PHLDB1: variants seen among roughly 807,000 people sequenced by gnomAD.
PHLDB1 encodes the protein pleckstrin homology-like domain family B member 1.
PHLDB1 carries 65 observed loss-of-function variants against 139.3 expected under a neutral mutation model. That is an observed-to-expected ratio of 0.47 (90% CI 0.38 to 0.57). The LOEUF (loss-of-function observed/expected upper bound fraction) is 0.57, where lower values mean the gene tolerates loss of function less well. Among genes scored for constraint, PHLDB1 ranks in the 20% least tolerant of loss-of-function variants. PHLDB1 has a pLI of 0.00. For missense variants in PHLDB1, 1,624 were observed against 1,839.7 expected, an observed-to-expected ratio of 0.88 and a Z score of 2.14; for synonymous variants, 679 against 734.5, an observed-to-expected ratio of 0.92 and a Z score of 1.22.
At chr11:118,618,962 C>G (rs529904831) in intron 4 of PHLDB1, among the ~76,000 whole-genome samples, 30 of 152,126 alleles carry the variant, frequency 2.0e-4, no homozygotes, top group Middle Eastern at 3.4e-3. Flanking sequence ...TAGCACAGAG[C>G]TATGAACATA....
chr11:118,617,078 A>T (rs1195846188), intron 4 of PHLDB1, among the ~76,000 whole-genome samples: 1 of 152,158 alleles, frequency 6.6e-6, no homozygotes, highest in African/African-American at 2.4e-5. Context: ...AAAATAAATA[A>T]AAACTAGGCC....
chr11:118,643,879 G>A lies in PHLDB1; in HGVS notation c.2957G>A (p.Gly986Asp). The A allele has an allele frequency of 1.9e-6, 3 of 1,612,318 alleles. No homozygotes were observed. Among genetic ancestry groups the A allele is most frequent in the Non-Finnish European group, 2.5e-6 (3 of 1,179,142 alleles). ...TRSGPLPSSS[G>D]SSSSSSQLSV... ...AGCGGCCCCCTCCCCTCCTCCTCTG[G>A]CTCTTCCTCCTCCTCCTCCCAGCTC... The change falls in exon 14 of 23, where the codon GGC becomes GAC. Residue 986 changes from glycine (G) to aspartate (D), a missense_variant. Physicochemically the swap from Gly to Asp is moderately conservative, Grantham distance 94. Transcript: ENST00000600882.
chr11:118,643,968 A>C (rs1555124177), intron 14 of PHLDB1, 28 bp downstream of exon 14: 3 of 1,591,298 alleles, frequency 1.9e-6, no homozygotes, highest in South Asian at 1.2e-5. Flanking sequence ...GGGGCTGCAC[A>C]TGTGGCTGGG....
intron 5 of PHLDB1, among the ~76,000 whole-genome samples, chr11:118,626,395 T>G (rs937659132): frequency 6.6e-6 from 1 of 152,030 alleles, no homozygotes; most frequent in Non-Finnish European, 1.5e-5. Context: ...TTCTTTTTTT[T>G]TGTTTTGAGA....
In PHLDB1 at chr11:118,632,436, G is replaced by A; in HGVS notation, c.2379+140G>A. On this transcript the variant is annotated intron_variant, in intron 9 of 22. Coordinates refer to ENST00000600882, the MANE Select transcript of PHLDB1 (RefSeq NM_001144758.3). This position sits in a 1 kb window ranked among gnomAD's most constrained non-coding sequence, Gnocchi z 5.9. The stretch of plus-strand genomic sequence containing the variant: ...TGGTCTCTGTGGCTTTCCAGAGACA[G>A]AGTGACTTCTCCTCCTCTGTGGAAG... 2.3e-6 allele frequency: 2 copies of A among 870,328 alleles called. No individual in the cohort carries two copies. Among genetic ancestry groups the A allele is most frequent in the Non-Finnish European group, 3.6e-6 (2 of 555,746 alleles). The allele number at this position is 870,328 out of a possible 1,614,324, so 53.9% of individuals were successfully genotyped here. A position where few individuals can be genotyped will look rare whatever the true frequency, so the allele number is the denominator to read the frequency against.
intron 10 of PHLDB1, chr11:118,637,328 C>T (rs1945809069): frequency 6.6e-6 from 1 of 152,204 alleles, no homozygotes; most frequent in African/African-American, 2.4e-5. Flanking sequence ...AGGATTACTG[C>T]CTAGCCTACT....
At chr11:118,615,596 G>T (rs532937785) in intron 3 of PHLDB1, 1 of 160,312 alleles carries the variant, frequency 6.2e-6, no homozygotes, top group Admixed American at 6.2e-5. Context: ...GAAGAGAGAG[G>T]TTAGCAAGGG....
chr11:118,645,479 G>T lies in PHLDB1; in HGVS notation c.3245G>T (p.Gly1082Val). 6.2e-7 allele frequency: 1 copy of T among 1,611,590 alleles called. No homozygotes were observed. Among genetic ancestry groups the T allele is most frequent in the Non-Finnish European group, 8.5e-7 (1 of 1,178,852 alleles). The change falls in exon 16 of 23, where the codon GGC becomes GTC. Residue 1082 changes from glycine (G) to valine (V), a missense_variant. Coordinates refer to ENST00000600882, the MANE Select transcript of PHLDB1 (RefSeq NM_001144758.3). The surrounding 1 kb of genome is among the most constrained non-coding windows in gnomAD (Gnocchi z 5.1). ...GAAPFPAGPS[G>V]FPPLMHHSIL... ...GCACCCTTCCCAGCGGGCCCCTCGG[G>T]CTTCCCCCCTCTCATGCACCACTCT... is the stretch of plus-strand genomic sequence containing the variant.
intron 10 of PHLDB1, chr11:118,637,116 A>G (rs1251114765): frequency 6.6e-6 from 1 of 152,178 alleles, no homozygotes; most frequent in Non-Finnish European, 1.5e-5. Flanking sequence ...CTGGGAGTCC[A>G]ATAGATGATT....
chr11:118,656,285 T>G (rs1160238593), intron 22 of PHLDB1, among the ~76,000 whole-genome samples: 3 of 152,188 alleles, frequency 2.0e-5, no homozygotes, highest in African/African-American at 7.2e-5. Flanking sequence ...TCTGCTCCTC[T>G]GGGGTCCCAG....
rs1289962063 is a variant in PHLDB1, at chr11:118,620,926, CCTCT to C, written c.356-4000_356-3997del. Among the ~76,000 whole-genome samples the C allele has an allele frequency of 6.6e-6, 1 of 152,006 alleles. No homozygotes were observed. Among genetic ancestry groups the C allele is most frequent in the Non-Finnish European group, 1.5e-5 (1 of 67,990 alleles). ...GTAGAGCCCCTGCTCTTTTCCTCTC[CCTCT>C]CTCTCTCAGATATGGACCCATGGAA... On this transcript the variant is annotated intron_variant, in intron 4 of 22. Coordinates refer to ENST00000600882, the MANE Select transcript of PHLDB1 (RefSeq NM_001144758.3). This position sits in a 1 kb window ranked among gnomAD's most constrained non-coding sequence, Gnocchi z 4.1.
chr11:118,642,357 C>G lies in PHLDB1; in HGVS notation c.2840C>G (p.Pro947Arg), dbSNP rs1946705001. ...GPAAASPHSS[P>R]PPLPAKASRQ... ...GCTGCAGCCTCCCCTCACTCTTCTC[C>G]CCCGCCTCTGCCCGCCAAAGCTTCC... Residue 947 changes from proline to arginine, a missense_variant, in exon 13 of 23, where the codon CCC becomes CGC. Pro to Arg is a moderately radical substitution (Grantham distance 103, BLOSUM62 -2). Coordinates refer to ENST00000600882, the MANE Select transcript of PHLDB1 (RefSeq NM_001144758.3). The G allele has an allele frequency of 1.9e-6, 3 of 1,610,986 alleles. No individual in the cohort carries two copies. Among genetic ancestry groups the G allele is most frequent in the African/African-American group, 1.3e-5 (1 of 74,926 alleles).
intron 10 of PHLDB1, among the ~76,000 whole-genome samples, chr11:118,635,911 A>C (rs1945564847): frequency 6.6e-6 from 1 of 152,190 alleles, no homozygotes; most frequent in Non-Finnish European, 1.5e-5. Context: ...AAGTGCTGGG[A>C]CACACAGAAA....
intron 6 of PHLDB1, among the ~76,000 whole-genome samples, chr11:118,629,810 C>T (rs1228770291): frequency 6.6e-6 from 1 of 152,134 alleles, no homozygotes; most frequent in Non-Finnish European, 1.5e-5. Context: ...GGCAGAGTGG[C>T]AGGCACAGCC....
chr11:118,628,460 C>A lies in PHLDB1; in HGVS notation c.1637C>A (p.Ser546Tyr), dbSNP rs781801132. The change falls in exon 6 of 23, where the codon TCT becomes TAT. Residue 546 changes from serine to tyrosine, a missense_variant. Ser to Tyr is a moderately radical substitution (Grantham distance 144). Coordinates refer to ENST00000600882, the MANE Select transcript of PHLDB1 (RefSeq NM_001144758.3). ...CTGAGCCCAGCCTACAGTCTGGGCT[C>A]TCTTACTGGGGCTTCACCCTGCCAG... ...GRLSPAYSLGSLTGASPCQSP... is the reference protein window; with the variant it reads ...GRLSPAYSLGYLTGASPCQSP... 1 of 1,612,376 alleles carries A rather than the reference C, an allele frequency of 6.2e-7. No individual in the cohort carries two copies. Among genetic ancestry groups the A allele is most frequent in the Admixed American group, 1.7e-5 (1 of 59,914 alleles).
At position 118,628,287 on chromosome 11, in the gene PHLDB1, G is replaced by C. The variant is rs958620024; in HGVS notation, c.1464G>C (p.Glu488Asp). The change falls in exon 6 of 23, where the codon GAG becomes GAC. Residue 488 changes from glutamate (E) to aspartate (D), a missense_variant. Transcript: ENST00000600882. ...PDPKLNREVA[E>D]SPRPRRWAAH... ...CCAAGCTAAACAGGGAAGTGGCAGA[G>C]AGTCCTCGGCCCCGGCGCTGGGCAG... 1.2e-6 allele frequency: 2 copies of C among 1,613,868 alleles called. No individual in the cohort carries two copies. Among genetic ancestry groups the C allele is most frequent in the Admixed American group, 3.3e-5 (2 of 60,010 alleles).
intron 12 of PHLDB1, chr11:118,639,505 G>C (rs1555118581): frequency 1.3e-5 from 7 of 522,248 alleles, no homozygotes; most frequent in Non-Finnish European, 2.1e-5. Context: ...TATATGTGGG[G>C]GGACTCAGGG....
intron 21 of PHLDB1, 80 bp from the exon 22 acceptor site, chr11:118,655,780 C>G: frequency 4.0e-6 from 6 of 1,486,238 alleles, no homozygotes; most frequent in Non-Finnish European, 5.6e-6. Flanking sequence ...AGGCCTCCAG[C>G]CTGCCCTCTA....
At chr11:118,633,950 G>C (rs1199084116) in intron 9 of PHLDB1, 1 of 152,784 alleles carries the variant, frequency 6.5e-6, no homozygotes, top group African/African-American at 2.4e-5. Flanking sequence ...GGGGAAGAGA[G>C]GTTATTCGAG....
Sources: allele counts gnomAD v4.1 joint callset (sites outside exome capture counted in the v4.1 genomes callset), GRCh38; gene constraint gnomAD v4.1.1; non-coding constraint Gnocchi (gnomAD v3.1); transcripts MANE v1.5; gene names NCBI Gene and HGNC (gene_info 2026-07-23, HGNC 2026-07-21).